Variants in ZNF292 observed in about 807,000 individuals in gnomAD.
ZNF292 encodes the protein zinc finger protein 292.
ZNF292 carries 26 observed loss-of-function variants against 217.9 expected under a neutral mutation model. The ratio of observed to expected loss-of-function variants is 0.12; its 90% CI spans 0.09 to 0.17. The LOEUF is 0.17. Ranked by LOEUF, ZNF292 falls within the 10% of genes least tolerant of loss-of-function variation. The pLI is 1.00. For synonymous variants in ZNF292, 1,257 were observed against 1,124.1 expected, an observed-to-expected ratio of 1.12 and a Z score of -2.37; for missense variants, 2,904 against 3,175.2, an observed-to-expected ratio of 0.91 and a Z score of 2.05.
chr6:87,200,773 C>T (rs1448889836), intron 1 of ZNF292, among the ~76,000 whole-genome samples: 1 of 152,144 alleles, frequency 6.6e-6, no homozygotes, highest in Non-Finnish European at 1.5e-5. Context: ...GTTATAGCAT[C>T]CATATTGGAG....
At chr6:87,160,771 T>C (rs1427617922) in intron 1 of ZNF292, among the ~76,000 whole-genome samples, 1 of 152,050 alleles carries the variant, frequency 6.6e-6, no homozygotes, top group Non-Finnish European at 1.5e-5. Context: ...GTTCTCTCTT[T>C]GATGGCACTT....
intron 3 of ZNF292, among the ~76,000 whole-genome samples, chr6:87,217,996 G>T (rs1772873958): frequency 6.6e-6 from 1 of 152,068 alleles, no homozygotes; most frequent in African/African-American, 2.4e-5. Context: ...TCAATAAACA[G>T]TTTCTGAATT....
intron 7 of ZNF292, among the ~76,000 whole-genome samples, chr6:87,246,690 C>A (rs1312783658): frequency 6.6e-6 from 1 of 152,100 alleles, no homozygotes; most frequent in Non-Finnish European, 1.5e-5. Flanking sequence ...CATGATGAAA[C>A]CCCATCTCTA....
chr6:87,223,093 T>C (rs1202329411), intron 4 of ZNF292: 2 of 201,054 alleles, frequency 9.9e-6, no homozygotes, highest in Admixed American at 1.1e-4. Flanking sequence ...TTTGTTTGTT[T>C]TTTGAGAAAG....
Position 87,260,894 on chromosome 6 carries a change from A to G in ZNF292, c.7265A>G (p.Asn2422Ser). ...LSKAFTSQHRNLLIVFKRCCN... is the reference protein window; with the variant it reads ...LSKAFTSQHRSLLIVFKRCCN... ...AAGGCATTTACATCACAACACCGAAATCTTCTTATTGTATTCAAACGGTGT... is the reference window on the plus strand; with the variant it reads ...AAGGCATTTACATCACAACACCGAAGTCTTCTTATTGTATTCAAACGGTGT... The change falls in exon 8 of 8, where the codon AAT (asparagine) becomes AGT (serine). Residue 2422 changes from asparagine (N) to serine (S), a missense_variant. Asn to Ser is a conservative substitution (Grantham distance 46). Transcript: ENST00000369577. 1 of 1,610,676 alleles carries G rather than the reference A, an allele frequency of 6.2e-7. No individual in the cohort carries two copies. Among genetic ancestry groups the G allele is most frequent in the Non-Finnish European group, 8.5e-7 (1 of 1,178,250 alleles).
chr6:87,236,218 G>T (rs776970961), intron 5 of ZNF292, among the ~76,000 whole-genome samples: 4 of 152,080 alleles, frequency 2.6e-5, no homozygotes, highest in Non-Finnish European at 5.9e-5. Context: ...TTTTGTTTAC[G>T]TGTTCCTTAA....
chr6:87,169,045 T>A (rs887668015), intron 1 of ZNF292, among the ~76,000 whole-genome samples: 5 of 151,662 alleles, frequency 3.3e-5, no homozygotes, highest in Non-Finnish European at 5.9e-5. Flanking sequence ...GCTTTTTTTT[T>A]AATTTTTATT....
chr6:87,194,135 C>T (rs1478455478), intron 1 of ZNF292, among the ~76,000 whole-genome samples: 2 of 151,976 alleles, frequency 1.3e-5, no homozygotes, highest in Admixed American at 6.6e-5. Context: ...CTAGAAAAGG[C>T]ACAGCTATCA....
chr6:87,260,726 A>T lies in ZNF292; in HGVS notation c.7097A>T (p.Tyr2366Phe). Residue 2366 changes from tyrosine to phenylalanine, a missense_variant, in exon 8 of 8, where the codon TAT (tyrosine) becomes TTT (phenylalanine). Tyr to Phe is a conservative substitution (Grantham distance 22). Coordinates refer to ENST00000369577, the MANE Select transcript of ZNF292 (RefSeq NM_015021.3). ...TCTCTGAAACGTGGGAAGCATGTAT[A>T]TTCTATAAAGGCTAGAAATGATGCC... ...PYSLKRGKHV[Y>F]SIKARNDALS... The T allele has an allele frequency of 1.2e-6, 2 of 1,613,550 alleles. No homozygotes were observed. Among genetic ancestry groups the T allele is most frequent in the Non-Finnish European group, 1.7e-6 (2 of 1,179,666 alleles).
At chr6:87,181,964 G>A (rs903657324) in intron 1 of ZNF292, among the ~76,000 whole-genome samples, 10 of 152,040 alleles carry the variant, frequency 6.6e-5, no homozygotes, top group African/African-American at 2.4e-4. Context: ...GATTACAGGC[G>A]CCCGGCGGTT....
At chr6:87,208,024 T>C (rs1233766127) in intron 1 of ZNF292, among the ~76,000 whole-genome samples, 7 of 152,190 alleles carry the variant, frequency 4.6e-5, no homozygotes, top group Non-Finnish European at 8.8e-5. Flanking sequence ...TAAAAAATTT[T>C]AGACCACGTA....
intron 7 of ZNF292, among the ~76,000 whole-genome samples, chr6:87,250,387 C>G (rs1774865177): frequency 6.6e-6 from 1 of 152,150 alleles, no homozygotes; most frequent in East Asian, 1.9e-4. Context: ...CAAGATCATG[C>G]CACTGAGCCA....
intron 4 of ZNF292, chr6:87,223,649 A>G (rs906783583): frequency 1.3e-5 from 2 of 152,094 alleles, no homozygotes; most frequent in African/African-American, 2.4e-5. Flanking sequence ...ATGGCCTTAT[A>G]TATATTTATT....
intron 1 of ZNF292, among the ~76,000 whole-genome samples, chr6:87,199,285 ATCT>A (rs1772041992): frequency 6.6e-6 from 1 of 152,148 alleles, no homozygotes; most frequent in Admixed American, 6.5e-5. Context: ...TCAGCCATTT[ATCT>A]TCTTTGGTGA....
chr6:87,198,492 C>T (rs1231294374), intron 1 of ZNF292, among the ~76,000 whole-genome samples: 1 of 152,170 alleles, frequency 6.6e-6, no homozygotes, highest in Non-Finnish European at 1.5e-5. Flanking sequence ...GCCTGAGGAG[C>T]CACGCCCGGC....
chr6:87,254,657 G>C lies in ZNF292; in HGVS notation c.1028G>C (p.Gly343Ala). ...LIKVINSETE[G>A]AGLATCIELC... is the part of the protein sequence containing the mutation. The stretch of plus-strand genomic sequence containing the variant: ...CTATTTGCTTTTTCACAGACTGAAG[G>C]GGCTGGACTTGCTACCTGTATAGAA... Residue 343 changes from glycine to alanine, a missense_variant, in exon 8 of 8, where the codon GGG (glycine) becomes GCG (alanine). Physicochemically the swap from Gly to Ala is moderately conservative, Grantham distance 60. This residue lies in a region of ZNF292 where 313 missense variants were observed against 451.0 expected (regional missense o/e 0.69). Transcript: ENST00000369577. 6.2e-7 allele frequency: 1 copy of C among 1,601,998 alleles called. No homozygotes were observed. The highest frequency in any genetic ancestry group is 8.5e-7 in the Non-Finnish European group (1 of 1,171,736).
intron 5 of ZNF292, among the ~76,000 whole-genome samples, chr6:87,238,666 T>A (rs934400759): frequency 6.6e-6 from 1 of 151,076 alleles, no homozygotes; most frequent in Non-Finnish European, 1.5e-5. Context: ...ATTTTTTTAT[T>A]TCTTTTTGGT....
chr6:87,177,638 TA>T (rs1393125456), intron 1 of ZNF292, among the ~76,000 whole-genome samples: 1 of 152,118 alleles, frequency 6.6e-6, no homozygotes, highest in Non-Finnish European at 1.5e-5. Context: ...TTAAAGACTT[TA>T]AAAGACTATG....
chr6:87,220,877 A>G (rs1423092418), intron 4 of ZNF292, among the ~76,000 whole-genome samples: 1 of 152,216 alleles, frequency 6.6e-6, no homozygotes, highest in Non-Finnish European at 1.5e-5. Flanking sequence ...CTAATACAAT[A>G]CAGCTCATGA....
Sources: allele counts gnomAD v4.1 joint callset (sites outside exome capture counted in the v4.1 genomes callset), GRCh38; gene constraint gnomAD v4.1.1; regional missense constraint gnomAD v4.1.1; transcripts MANE v1.5; gene names NCBI Gene and HGNC (gene_info 2026-07-23, HGNC 2026-07-21).